The following RYK variants were observed in gnomAD, a reference collection of about 807,000 sequenced individuals.
RYK encodes inactive tyrosine-protein kinase RYK.
Under a neutral mutation model 70.2 loss-of-function variants are expected in RYK, and 21 were observed. The ratio of observed to expected loss-of-function variants is 0.30; its 90% CI spans 0.21 to 0.43. The LOEUF is 0.43. Ranked by LOEUF, RYK falls within the 20% of genes least tolerant of loss-of-function variation. RYK has a pLI of 1.00. For missense variants in RYK, 604 were observed against 753.3 expected (o/e 0.80, Z 2.32); for synonymous variants, 267 against 278.0 (o/e 0.96, Z 0.39).
chr3:134,158,216 G>A lies in RYK; in HGVS notation c.1761C>T (p.Pro587=). 2 of 1,577,428 alleles carry A rather than the reference G, an allele frequency of 1.3e-6. No individual in the cohort carries two copies. Among genetic ancestry groups the A allele is most frequent in the Non-Finnish European group, 8.6e-7 (1 of 1,160,174 alleles). ...CCWALDPEER[P]KFQQLVQCLT... ...GGCACTGTACCAGCTGCTGAAACTT[G>A]GGCCTCTCCTCTGGATCTAAGGCCC... Residue 587 remains proline, a synonymous_variant, in exon 15 of 15, where the codon CCC becomes CCT. Transcript: ENST00000623711.
intron 9 of RYK, among the ~76,000 whole-genome samples, chr3:134,188,349 CA>C (rs2108162499): frequency 6.6e-6 from 1 of 151,856 alleles, no homozygotes; most frequent in African/African-American, 2.4e-5. Context: ...TTAGCAGAGA[CA>C]GGGGTTTCAC....
chr3:134,209,008 T>C (rs2014307070), intron 4 of RYK, among the ~76,000 whole-genome samples: 1 of 152,126 alleles, frequency 6.6e-6, no homozygotes, highest in East Asian at 1.9e-4. Context: ...GAACTTACAG[T>C]GAGTGGGTTG....
In RYK at chr3:134,168,098, A is replaced by G. The variant is rs546017177; in HGVS notation, c.1575+7511T>C. On this transcript the variant is annotated intron_variant, in intron 13 of 14. Coordinates refer to ENST00000623711, the MANE Select transcript of RYK (RefSeq NM_002958.4). ...ACCATCTCACACCAGTTAGAATGGC[A>G]ATCATTAAAAAGTCAGGAAACAACA... 4.1e-4 allele frequency among the ~76,000 whole-genome samples: 62 copies of G among 152,320 alleles called. 3 individuals are homozygous for G. The East Asian group carries it at 0.01, about 25-fold the overall frequency.
chr3:134,195,221 T>A, intron 6 of RYK, 39 bp from the exon 7 acceptor site: 1 of 1,476,648 alleles, frequency 6.8e-7, no homozygotes, highest in Non-Finnish European at 9.4e-7. Context: ...GACAAGTCAG[T>A]TTCAATGAGA....
chr3:134,166,534 C>A (rs2012674167), intron 13 of RYK, among the ~76,000 whole-genome samples: 1 of 152,120 alleles, frequency 6.6e-6, no homozygotes, highest in Admixed American at 6.5e-5. Flanking sequence ...ATGAATCTGC[C>A]CCACGATCTG....
At chr3:134,164,418 T>C (rs558252249) in intron 13 of RYK, among the ~76,000 whole-genome samples, 1 of 152,298 alleles carries the variant, frequency 6.6e-6, no homozygotes, top group East Asian at 1.9e-4. Context: ...CACCCCTCCC[T>C]ACCACCAGCA....
At chr3:134,189,963 A>T (rs1242105319) in intron 8 of RYK, among the ~76,000 whole-genome samples, 1 of 152,114 alleles carries the variant, frequency 6.6e-6, no homozygotes, top group East Asian at 1.9e-4. Flanking sequence ...TTCCTTCACA[A>T]TTTAAAAGAT....
intron 13 of RYK, among the ~76,000 whole-genome samples, chr3:134,160,622 C>T (rs1158241441): frequency 6.6e-6 from 1 of 152,134 alleles, no homozygotes; most frequent in African/African-American, 2.4e-5. Flanking sequence ...AATCCCAGCA[C>T]TTTGGGAGGA....
At chr3:134,210,965 C>CA (rs1268272575) in intron 3 of RYK, among the ~76,000 whole-genome samples, 1 of 152,132 alleles carries the variant, frequency 6.6e-6, no homozygotes. Context: ...AAGATGATCC[C>CA]AAATACTGAG....
intron 8 of RYK, among the ~76,000 whole-genome samples, chr3:134,189,746 AAAAAAAAAAAAAAAC>A (rs1234015653): frequency 9.3e-5 from 14 of 150,472 alleles, no homozygotes; most frequent in Admixed American, 5.9e-4. Flanking sequence ...CCGCCAAAAA[AAAAAAAAAAAAAAAC>A]AAAAAACAAA....
rs762037156 is a variant in RYK at position 134,191,069 on chromosome 3, C to G, written c.1015+780G>C. Among the ~76,000 whole-genome samples, 4 of 152,300 alleles carry G rather than the reference C, an allele frequency of 2.6e-5. No individual in the cohort carries two copies. The South Asian group carries it at 8.3e-4, about 32-fold the overall frequency. ...ATGTGTCCCAACCAGCAAAGGAATACATAAGGAGGACTCATAAGTATCCAA... is the reference window on the plus strand; with the variant it reads ...ATGTGTCCCAACCAGCAAAGGAATAGATAAGGAGGACTCATAAGTATCCAA... On this transcript the variant is annotated intron_variant, in intron 8 of 14. Coordinates refer to ENST00000623711, the MANE Select transcript of RYK (RefSeq NM_002958.4).
At chr3:134,247,617 G>A (rs1441555056) in intron 1 of RYK, among the ~76,000 whole-genome samples, 2 of 151,634 alleles carry the variant, frequency 1.3e-5, no homozygotes, top group Admixed American at 6.6e-5. Flanking sequence ...CAGGAGAATC[G>A]CTTGAACCTT....
intron 1 of RYK, among the ~76,000 whole-genome samples, chr3:134,249,557 G>A (rs1474803327): frequency 1.3e-5 from 2 of 152,140 alleles, no homozygotes; most frequent in African/African-American, 2.4e-5. Context: ...CCTCTAAGGG[G>A]TCATTTCCAG....
intron 2 of RYK, among the ~76,000 whole-genome samples, chr3:134,213,228 A>G (rs2014454869): frequency 6.6e-6 from 1 of 152,202 alleles, no homozygotes; most frequent in Admixed American, 6.5e-5. Flanking sequence ...TAGGTGCACA[A>G]AAGAAATCAG....
chr3:134,232,389 C>A (rs1021041758), intron 1 of RYK, among the ~76,000 whole-genome samples: 1 of 152,148 alleles, frequency 6.6e-6, no homozygotes. Context: ...GCTGCATAAT[C>A]CTGGATTAAG....
chr3:134,241,528 G>A (rs1015039568), intron 1 of RYK, among the ~76,000 whole-genome samples: 4 of 152,114 alleles, frequency 2.6e-5, no homozygotes, highest in Non-Finnish European at 5.9e-5. Context: ...TCTGATTTCA[G>A]AGACGTTCAA....
At chr3:134,228,054 C>A (rs1375910834) in intron 1 of RYK, among the ~76,000 whole-genome samples, 1 of 152,136 alleles carries the variant, frequency 6.6e-6, no homozygotes, top group Non-Finnish European at 1.5e-5. Flanking sequence ...TGTGGGAGGC[C>A]GGGACCAGAG....
chr3:134,184,311 C>T (rs943275610), intron 9 of RYK, among the ~76,000 whole-genome samples: 4 of 152,078 alleles, frequency 2.6e-5, no homozygotes. Flanking sequence ...CATGATAATG[C>T]AATTTACCAA....
Position 134,209,738 on chromosome 3 carries a change from AT to A in RYK, c.545del (p.Asn182IlefsTer5), listed in dbSNP as rs1560017560. 6.7e-7 allele frequency: 1 copy of A among 1,502,290 alleles called. No individual in the cohort carries two copies. Among genetic ancestry groups the A allele is most frequent in the Non-Finnish European group, 8.9e-7 (1 of 1,124,922 alleles). 93.1% of individuals were successfully genotyped at this position (1,502,290 alleles called of 1,614,324 possible). ...QLNLTVNSSK[N>X]FTVLNFKRRK... The stretch of plus-strand genomic sequence containing the variant: ...TTCGTTTAAAATTTAAGACGGTAAA[AT>A]TTTTTGAAGAATTTACTGTCAAGTT... On this transcript the variant is annotated frameshift_variant, in exon 4 of 15. Transcript: ENST00000623711. LOFTEE classifies it high-confidence loss of function.
Sources: allele counts gnomAD v4.1 joint callset (sites outside exome capture counted in the v4.1 genomes callset), GRCh38; gene constraint gnomAD v4.1.1; transcripts MANE v1.5; gene names NCBI Gene and HGNC (gene_info 2026-07-23, HGNC 2026-07-21).